RANBP3: variants seen among roughly 807,000 people sequenced by gnomAD.
The protein encoded by RANBP3 is RAN binding protein 3.
Under a neutral mutation model 77.3 loss-of-function variants are expected in RANBP3, and 14 were observed. The observed-to-expected ratio is 0.18, with a 90% CI of 0.12 to 0.28. The LOEUF (loss-of-function observed/expected upper bound fraction) is 0.28, where lower values mean the gene tolerates loss of function less well. Among genes scored for constraint, RANBP3 ranks in the 10% least tolerant of loss-of-function variants. RANBP3 has a pLI of 1.00. For synonymous variants in RANBP3, 315 were observed against 312.4 expected (o/e 1.01, Z -0.09); for missense variants, 586 against 752.3 (o/e 0.78, Z 2.59).
chr19:5,974,628 G>C (rs2058567974), intron 1 of RANBP3, among the ~76,000 whole-genome samples: 1 of 152,066 alleles, frequency 6.6e-6, no homozygotes, highest in African/African-American at 2.4e-5. Context: ...CGTTCACCAT[G>C]GTGACGAGGG....
intron 12 of RANBP3, 39 bp downstream of exon 12, chr19:5,923,773 C>T: frequency 6.6e-7 from 1 of 1,526,636 alleles, no homozygotes; most frequent in Non-Finnish European, 9.1e-7. Context: ...CCAAGATGAC[C>T]TACCATGAGC....
intron 9 of RANBP3, 152 bp from the exon 10 acceptor site, chr19:5,925,889 T>G: frequency 2.9e-5 from 17 of 583,892 alleles, no homozygotes; most frequent in Non-Finnish European, 3.4e-5. Context: ...GTGCATGTGC[T>G]GGGGGGCAGG....
chr19:5,925,207 T>C (rs2057887385), intron 10 of RANBP3: 1 of 496,712 alleles, frequency 2.0e-6, no homozygotes, highest in East Asian at 3.8e-5. Context: ...GAGGGGCAGC[T>C]GGTCCGTGGG....
At chr19:5,945,874 C>T (rs1235242270) in intron 3 of RANBP3, among the ~76,000 whole-genome samples, 1 of 152,012 alleles carries the variant, frequency 6.6e-6, no homozygotes, top group African/African-American at 2.4e-5. Flanking sequence ...TGTGGTGCCC[C>T]CAGGCATTCT....
At chr19:5,938,514 AC>A (rs2058094366) in intron 5 of RANBP3, among the ~76,000 whole-genome samples, 1 of 151,874 alleles carries the variant, frequency 6.6e-6, no homozygotes, top group Admixed American at 6.6e-5. Flanking sequence ...ACACGGTGAA[AC>A]CCTCGTCTCT....
chr19:5,953,276 G>C (rs375069296), intron 2 of RANBP3, among the ~76,000 whole-genome samples: 1 of 152,144 alleles, frequency 6.6e-6, no homozygotes, highest in African/African-American at 2.4e-5. Context: ...GGCAGGAATC[G>C]TAAGCTCTAA....
In RANBP3 at chr19:5,924,571, A is replaced by G. The variant is rs2057875594; in HGVS notation, c.996+256T>C. Among the ~76,000 whole-genome samples, 6 of 152,372 alleles carry G rather than the reference A, an allele frequency of 3.9e-5. No individual in the cohort carries two copies. In the South Asian group the frequency reaches 1.2e-3, roughly 32 times the overall value. Reference sequence around the variant, plus strand: ...AGCAGGACCCTGCAGCCTCCAGGGAAGCCCATCTTGGGATGAAGTTGGCCC... The same window carrying G: ...AGCAGGACCCTGCAGCCTCCAGGGAGGCCCATCTTGGGATGAAGTTGGCCC... On this transcript the variant is annotated intron_variant, in intron 11 of 16. Transcript: ENST00000340578. The surrounding 1 kb of genome is among the most constrained non-coding windows in gnomAD (Gnocchi z 4.7).
intron 1 of RANBP3, among the ~76,000 whole-genome samples, chr19:5,972,420 C>T (rs1012095905): frequency 7.2e-5 from 11 of 152,146 alleles, no homozygotes; most frequent in African/African-American, 2.7e-4. Flanking sequence ...CCACGTTATT[C>T]TCTACTGCGT....
rs1478545382 is a variant in RANBP3 at position 5,951,482 on chromosome 19, G to A, written c.193C>T (p.Pro65Ser). Residue 65 changes from proline (P) to serine (S), a missense_variant, in exon 3 of 17, where the codon CCT becomes TCT. Around this residue, in one of 5 missense-constraint regions of RANBP3, gnomAD observed 172 missense variants for 183.4 expected, o/e 0.94. Coordinates refer to ENST00000340578, the MANE Select transcript of RANBP3 (RefSeq NM_007322.3). ...PESAGEHALEPPAPAGASAST... is the reference protein window; with the variant it reads ...PESAGEHALESPAPAGASAST... ...GCTGAGGCGCCAGCAGGGGCAGGAGGTTCTAGGGCATGCTCGCCAGCTGAC... is the reference window on the plus strand; with the variant it reads ...GCTGAGGCGCCAGCAGGGGCAGGAGATTCTAGGGCATGCTCGCCAGCTGAC... 36 of 1,610,732 alleles carry A rather than the reference G, an allele frequency of 2.2e-5. No homozygotes were observed. Among genetic ancestry groups the A allele is most frequent in the Non-Finnish European group, 3.0e-5 (35 of 1,178,402 alleles).
intron 1 of RANBP3, among the ~76,000 whole-genome samples, chr19:5,975,804 G>T (rs541522227): frequency 1.3e-5 from 2 of 151,794 alleles, no homozygotes; most frequent in African/African-American, 4.8e-5. Flanking sequence ...AGCCATGGGG[G>T]TATCTGGGGG....
chr19:5,931,530 G>A lies in RANBP3; in HGVS notation c.567C>T (p.Val189=). ...APQPKALSQT[V]PSSGTNGVSL... ...TGACCCCGTTGGTGCCACTGCTGGG[G>A]ACTGTGGGAGGGAAGGAGAGTGGGG... Residue 189 remains valine (V), a splice_region_variant and synonymous_variant, in exon 8 of 17, where the codon GTC becomes GTT. Transcript: ENST00000340578. The A allele has an allele frequency of 1.2e-6, 2 of 1,606,460 alleles. No individual in the cohort carries two copies. Among genetic ancestry groups the A allele is most frequent in the Non-Finnish European group, 1.7e-6 (2 of 1,175,046 alleles).
chr19:5,932,721 G>T, intron 6 of RANBP3, 177 bp from the exon 7 acceptor site: 1 of 586,982 alleles, frequency 1.7e-6, no homozygotes, highest in Non-Finnish European at 3.0e-6. Context: ...TCTGGCTACT[G>T]TTATTTTTAC....
At chr19:5,965,652 T>G (rs1255366373) in intron 1 of RANBP3, 2 of 152,284 alleles carry the variant, frequency 1.3e-5, no homozygotes, top group Non-Finnish European at 2.9e-5. Context: ...GGAGCTGGGC[T>G]GAACCCCAGC....
In RANBP3 at chr19:5,929,527, C is replaced by T. The variant is rs534190221; in HGVS notation, c.694-1440G>A. Among the ~76,000 whole-genome samples the T allele has an allele frequency of 9.2e-5, 14 of 152,366 alleles. No homozygotes were observed. The South Asian group carries it at 1.2e-3, about 14-fold the overall frequency. ...CCTGGCGGAGCCTGCTTAGAGGATTCGCTTAAACTGATAAACGAATCCCGA... is the reference window on the plus strand; with the variant it reads ...CCTGGCGGAGCCTGCTTAGAGGATTTGCTTAAACTGATAAACGAATCCCGA... On this transcript the variant is annotated intron_variant, in intron 8 of 16. Transcript: ENST00000340578.
rs762586031 is a variant in RANBP3, at chr19:5,917,912, G to C, written c.1542C>G (p.Arg514=). The C allele has an allele frequency of 6.2e-7, 1 of 1,612,836 alleles. No homozygotes were observed. The highest frequency in any genetic ancestry group is 1.7e-5 in the Admixed American group (1 of 59,986). ...TCTTGGCCTCCTGCTCCTGCTCCAC[G>C]CGGCTGCGCAGGGCCAGGATGCGGT... ...LHHRILALRS[R]VEQEQEAKMP... is the part of the protein sequence containing the mutation. Residue 514 remains arginine (R), a synonymous_variant, in exon 16 of 17, where the codon CGC becomes CGG. Transcript: ENST00000340578.
chr19:5,973,619 C>T (rs1268152630), intron 1 of RANBP3, among the ~76,000 whole-genome samples: 8 of 152,324 alleles, frequency 5.3e-5, no homozygotes, highest in African/African-American at 1.2e-4. Flanking sequence ...AGCCCAGGCC[C>T]TGCTGGTCTT....
chr19:5,948,259 G>A (rs1286406375), intron 3 of RANBP3, among the ~76,000 whole-genome samples: 1 of 152,148 alleles, frequency 6.6e-6, no homozygotes. Context: ...GACCATCCTG[G>A]CTAACACGGT....
At chr19:5,937,056 CAAAAAAAAAAAAAAAAAAA>C (rs71172783) in intron 5 of RANBP3, among the ~76,000 whole-genome samples, 1 of 37,160 alleles carries the variant, frequency 2.7e-5, no homozygotes, top group Non-Finnish European at 4.9e-5. Context: ...ACTCTGTCTC[CAAAAAAAAAAAAAAAAAAA>C]AAAAAAAAAG....
intron 2 of RANBP3, among the ~76,000 whole-genome samples, chr19:5,957,154 G>T (rs2058344467): frequency 6.6e-6 from 1 of 152,152 alleles, no homozygotes; most frequent in South Asian, 2.1e-4. Context: ...GCAAGCTGAG[G>T]AGTCACTGCC....
Sources: allele counts gnomAD v4.1 joint callset (sites outside exome capture counted in the v4.1 genomes callset), GRCh38; gene constraint gnomAD v4.1.1; regional missense constraint gnomAD v4.1.1; non-coding constraint Gnocchi (gnomAD v3.1); transcripts MANE v1.5; gene names NCBI Gene and HGNC (gene_info 2026-07-23, HGNC 2026-07-21).